Variants in SLC35F3 observed in about 807,000 individuals in gnomAD.
The protein encoded by SLC35F3 is putative thiamine transporter SLC35F3.
A neutral mutation model predicts 49.9 loss-of-function variants in SLC35F3; 25 were observed. That is an observed-to-expected ratio of 0.50 (90% CI 0.37 to 0.70). The LOEUF is 0.70. Ranked by LOEUF, SLC35F3 falls within the 30% of genes least tolerant of loss-of-function variation. The pLI, the probability that SLC35F3 is intolerant of heterozygous loss-of-function variation, is 0.00. For synonymous variants in SLC35F3, 275 were observed against 265.4 expected (o/e 1.04, Z -0.35); for missense variants, 525 against 639.8 (o/e 0.82, Z 1.94).
At chr1:234,266,873 G>GTTTTTTTTTTTTTTTTTTTTTTTT (rs34040004) in intron 3 of SLC35F3, among the ~76,000 whole-genome samples, 7 of 108,646 alleles carry the variant, frequency 6.4e-5, no homozygotes, top group Admixed American at 1.1e-4. Context: ...GAAGCACATG[G>GTTTTTTTTTTTTTTTTTTTTTTTT]TTTTTTTTTT....
At chr1:233,932,997 A>G (rs72753713) in intron 2 of SLC35F3, among the ~76,000 whole-genome samples, 16,744 of 150,318 alleles carry the variant, frequency 0.11, 1,017 homozygotes, top group Non-Finnish European at 0.14. Context: ...TCTGAAGAGC[A>G]TATGCTTAAA....
rs1229176581 is a variant in SLC35F3 at position 234,267,699 on chromosome 1, C to T, written c.608+35958C>T. ...GCGGAGACGCTCCTCACTTCCCAGA[C>T]GGGGTGGCTGCCGGACGGAGGGGCT... On this transcript the variant is annotated intron_variant, in intron 3 of 7. Coordinates refer to ENST00000366618, the MANE Select transcript of SLC35F3 (RefSeq NM_173508.4). Among the ~76,000 whole-genome samples, 720 of 150,998 alleles carry T rather than the reference C, an allele frequency of 4.8e-3. 3 individuals carry two copies. Among genetic ancestry groups the T allele is most frequent in the Non-Finnish European group, 7.8e-3 (525 of 67,632 alleles).
chr1:234,276,675 C>T (rs550663664), intron 3 of SLC35F3, among the ~76,000 whole-genome samples: 2 of 152,330 alleles, frequency 1.3e-5, no homozygotes, highest in South Asian at 4.1e-4. Flanking sequence ...ACACACCTCT[C>T]TATTGCGACA....
intron 2 of SLC35F3, among the ~76,000 whole-genome samples, chr1:234,103,774 G>A (rs149904651): frequency 6.9e-4 from 105 of 152,198 alleles, no homozygotes; most frequent in Non-Finnish European, 1.2e-3. Context: ...CTCTTCTTGG[G>A]AAAGGATTAT....
intron 2 of SLC35F3, among the ~76,000 whole-genome samples, chr1:234,109,651 G>C (rs777223572): frequency 7.2e-5 from 11 of 152,282 alleles, no homozygotes; most frequent in Admixed American, 1.3e-4. Context: ...AGGGACTACT[G>C]TGTGCTAGGA....
At position 234,320,919 on chromosome 1, in the gene SLC35F3, C is replaced by T. The variant is rs1657603992; in HGVS notation, c.1237+732C>T. ...ACCTGACCTCCCTAGGCATCCTTCT[C>T]TCAGCCAGAAAAGGGCTGTGAATCT... On this transcript the variant is annotated intron_variant, in intron 7 of 7. Transcript: ENST00000366618. The surrounding 1 kb of genome is among the most constrained non-coding windows in gnomAD (Gnocchi z 4.8). Among the ~76,000 whole-genome samples, 1 of 152,144 alleles carries T rather than the reference C, an allele frequency of 6.6e-6. No homozygotes were observed. The highest frequency in any genetic ancestry group is 1.5e-5 in the Non-Finnish European group (1 of 68,016).
intron 2 of SLC35F3, among the ~76,000 whole-genome samples, chr1:234,104,493 C>CTACTTGTGCT (rs1665255413): frequency 6.6e-6 from 1 of 152,038 alleles, no homozygotes; most frequent in Admixed American, 6.6e-5. Context: ...TGACAACAGC[C>CTACTTGTGCT]AATTACAAGT....
intron 2 of SLC35F3, among the ~76,000 whole-genome samples, chr1:234,059,616 CTAGACA>C (rs55704046): frequency 0.24 from 31,989 of 134,666 alleles, 4,520 homozygotes; most frequent in African/African-American, 0.41. Flanking sequence ...TAGACATAGA[CTAGACA>C]TAGACATAGA....
chr1:234,227,392 CTTTTTTTT>C (rs369277069), intron 2 of SLC35F3, among the ~76,000 whole-genome samples: 1 of 108,666 alleles, frequency 9.2e-6, no homozygotes, highest in Non-Finnish European at 2.0e-5. Flanking sequence ...CTCTTTCTTT[CTTTTTTTT>C]TTTTTTTTTT....
At chr1:234,156,416 G>A (rs1045484325) in intron 2 of SLC35F3, among the ~76,000 whole-genome samples, 1 of 152,088 alleles carries the variant, frequency 6.6e-6, no homozygotes. Flanking sequence ...AGCGATCATC[G>A]AGTATGCGAT....
intron 2 of SLC35F3, among the ~76,000 whole-genome samples, chr1:234,030,929 G>T (rs531341383): frequency 6.6e-6 from 1 of 152,282 alleles, no homozygotes; most frequent in Admixed American, 6.5e-5. Context: ...GAACAAGGCA[G>T]ACTAAATCTT....
At chr1:234,210,614 G>C (rs937305620) in intron 2 of SLC35F3, among the ~76,000 whole-genome samples, 3 of 152,238 alleles carry the variant, frequency 2.0e-5, no homozygotes, top group African/African-American at 7.2e-5. Flanking sequence ...AACTGAACTT[G>C]AGAGAGATGA....
chr1:234,142,871 G>A (rs1665938779), intron 2 of SLC35F3, among the ~76,000 whole-genome samples: 1 of 152,166 alleles, frequency 6.6e-6, no homozygotes, highest in South Asian at 2.1e-4. Flanking sequence ...TATATAGTCA[G>A]TATGGGGAAA....
At chr1:234,116,390 C>A (rs1204269186) in intron 2 of SLC35F3, among the ~76,000 whole-genome samples, 1 of 152,136 alleles carries the variant, frequency 6.6e-6, no homozygotes. Context: ...ATAAATATTT[C>A]TTATTAAGTC....
intron 2 of SLC35F3, among the ~76,000 whole-genome samples, chr1:234,131,518 G>A (rs77273290): frequency 0.063 from 9,522 of 152,028 alleles, 458 homozygotes; most frequent in African/African-American, 0.13. Context: ...TTATGTACAC[G>A]GTGTTGCTGA....
chr1:234,117,946 GTGTGTGTGTGTGTGT>G (rs1665516304), intron 2 of SLC35F3, among the ~76,000 whole-genome samples: 1 of 47,182 alleles, frequency 2.1e-5, no homozygotes, highest in Non-Finnish European at 5.2e-5. Context: ...GTGTGTGTGT[GTGTGTGTGTGTGTGT>G]GTGTATATAT....
chr1:234,271,482 T>C (rs941589365), intron 3 of SLC35F3, among the ~76,000 whole-genome samples: 8 of 152,230 alleles, frequency 5.3e-5, no homozygotes, highest in African/African-American at 1.7e-4. Flanking sequence ...TTCAGAGTTT[T>C]TTCGTTTTGT....
chr1:234,160,868 A>G lies in SLC35F3; in HGVS notation c.284-70549A>G, dbSNP rs149149218. 1.5e-3 allele frequency among the ~76,000 whole-genome samples: 232 copies of G among 152,348 alleles called. 2 individuals are homozygous for G. The South Asian group carries it at 0.017, about 11-fold the overall frequency. ...ACATCAAAGCTGAAGCACAGTTATC[A>G]CTTATAAAATTGGGTATCTTTTCTC... On this transcript the variant is annotated intron_variant, in intron 2 of 7. Coordinates refer to ENST00000366618, the MANE Select transcript of SLC35F3 (RefSeq NM_173508.4).
chr1:233,910,937 T>C (rs1256452466), intron 2 of SLC35F3, among the ~76,000 whole-genome samples: 2 of 152,174 alleles, frequency 1.3e-5, no homozygotes, highest in African/African-American at 2.4e-5. Flanking sequence ...CAGCCCGCTA[T>C]TGGCAACGTG....
Sources: allele counts gnomAD v4.1 joint callset (sites outside exome capture counted in the v4.1 genomes callset), GRCh38; gene constraint gnomAD v4.1.1; non-coding constraint Gnocchi (gnomAD v3.1); transcripts MANE v1.5; gene names NCBI Gene and HGNC (gene_info 2026-07-23, HGNC 2026-07-21).